The following RAB3C variants were observed in gnomAD, a reference collection of about 807,000 sequenced individuals.
RAB3C encodes ras-related protein Rab-3C.
A neutral mutation model predicts 26.4 loss-of-function variants in RAB3C; 17 were observed. That is an observed-to-expected ratio of 0.64 (90% CI 0.44 to 0.97). RAB3C has a LOEUF of 0.97. Ranked by LOEUF, RAB3C falls within the 50% of genes least tolerant of loss-of-function variation. RAB3C has a pLI of 0.00. For missense variants in RAB3C, 242 were observed against 281.9 expected (o/e 0.86, Z 1.01); for synonymous variants, 91 against 95.9 (o/e 0.95, Z 0.30).
At chr5:58,725,957 A>C in intron 2 of RAB3C, 45 bp from the exon 3 acceptor site, 1 of 1,124,382 alleles carries the variant, frequency 8.9e-7, no homozygotes, top group Middle Eastern at 2.1e-4. Flanking sequence ...CCAAAAATGT[A>C]TTGCCTTATT....
At chr5:58,788,476 T>G (rs1265581660) in intron 3 of RAB3C, 1 of 152,238 alleles carries the variant, frequency 6.6e-6, no homozygotes, top group Non-Finnish European at 1.5e-5. Flanking sequence ...GAAAGTCAGT[T>G]TTAATTTTGC....
At chr5:58,598,777 T>A (rs1360048082) in intron 1 of RAB3C, among the ~76,000 whole-genome samples, 1 of 152,158 alleles carries the variant, frequency 6.6e-6, no homozygotes, top group Admixed American at 6.6e-5. Context: ...ATTTGAGTCA[T>A]CTATTTCAGA....
At chr5:58,800,510 T>G (rs1245760279) in intron 3 of RAB3C, among the ~76,000 whole-genome samples, 1 of 152,150 alleles carries the variant, frequency 6.6e-6, no homozygotes, top group Non-Finnish European at 1.5e-5. Context: ...AAGATGGGTG[T>G]TTTTTAATGT....
chr5:58,667,154 G>A (rs1023016753), intron 2 of RAB3C, among the ~76,000 whole-genome samples: 2 of 152,092 alleles, frequency 1.3e-5, no homozygotes, highest in Non-Finnish European at 2.9e-5. Flanking sequence ...TTGGTTTTAC[G>A]CACTGATGAC....
At position 58,839,385 on chromosome 5, in the gene RAB3C, T is replaced by A. The variant is rs940497353; in HGVS notation, c.497-11779T>A. ...TATTTATTTATTTATTTATTTATTT[T>A]TTGAGACAGAGTTTTGCTGTTGTTG... On this transcript the variant is annotated intron_variant, in intron 4 of 4. Coordinates refer to ENST00000282878, the MANE Select transcript of RAB3C (RefSeq NM_138453.4). Among the ~76,000 whole-genome samples the A allele has an allele frequency of 3.1e-4, 35 of 114,436 alleles. No individual in the cohort carries two copies. In the East Asian group the frequency reaches 3.8e-3, roughly 12 times the overall value. The allele number at this position is 114,436 out of a possible 152,430, so 75.1% of individuals were successfully genotyped here.
chr5:58,596,805 A>C (rs1466722723), intron 1 of RAB3C, among the ~76,000 whole-genome samples: 1 of 101,084 alleles, frequency 9.9e-6, no homozygotes, highest in Non-Finnish European at 1.7e-5. Flanking sequence ...TAAATTTATA[A>C]TATATAATAC....
intron 3 of RAB3C, among the ~76,000 whole-genome samples, chr5:58,754,408 G>T (rs1741602855): frequency 6.6e-6 from 1 of 152,150 alleles, no homozygotes; most frequent in Non-Finnish European, 1.5e-5. Context: ...AACCCAGGTA[G>T]CTTGCATATA....
At chr5:58,686,473 C>G (rs1373536350) in intron 2 of RAB3C, among the ~76,000 whole-genome samples, 3 of 152,018 alleles carry the variant, frequency 2.0e-5, no homozygotes, top group Non-Finnish European at 4.4e-5. Flanking sequence ...TTCCAGATTT[C>G]CTTCTCTAGG....
chr5:58,817,109 T>A (rs1348609115), intron 3 of RAB3C: 1 of 152,140 alleles, frequency 6.6e-6, no homozygotes. Context: ...ATTGGCCAGA[T>A]CCAAAGTTAG....
Position 58,742,938 on chromosome 5 carries a change from G to A in RAB3C, c.371+16818G>A, listed in dbSNP as rs961196471. Reference sequence around the variant, plus strand: ...CCAACAAAGATAGGGATACGGGAGGGAATGAAAAAGGCAGAAAGAAAGGAG... The same window carrying A: ...CCAACAAAGATAGGGATACGGGAGGAAATGAAAAAGGCAGAAAGAAAGGAG... On this transcript the variant is annotated intron_variant, in intron 3 of 4. Transcript: ENST00000282878. 7.9e-5 allele frequency among the ~76,000 whole-genome samples: 12 copies of A among 151,984 alleles called. 1 individual carries two copies. Among genetic ancestry groups the A allele is most frequent in the Admixed American group, 6.6e-4 (10 of 15,244 alleles).
chr5:58,750,949 G>T (rs1741509194), intron 3 of RAB3C, among the ~76,000 whole-genome samples: 1 of 151,922 alleles, frequency 6.6e-6, no homozygotes, highest in Non-Finnish European at 1.5e-5. Flanking sequence ...CCACCTCCCG[G>T]GTTCAAGAGA....
intron 2 of RAB3C, among the ~76,000 whole-genome samples, chr5:58,659,485 A>G (rs1747852049): frequency 6.6e-6 from 1 of 152,200 alleles, no homozygotes; most frequent in African/African-American, 2.4e-5. Flanking sequence ...TTTTATTTTT[A>G]TATCACTCAT....
At chr5:58,596,918 C>A (rs1746293569) in intron 1 of RAB3C, among the ~76,000 whole-genome samples, 1 of 89,836 alleles carries the variant, frequency 1.1e-5, no homozygotes, top group African/African-American at 4.7e-5. Flanking sequence ...ATATATAATA[C>A]ATAATATATT....
upstream of RAB3C, chr5:58,582,312 T>A (rs1745915839): frequency 1.3e-6 from 1 of 770,910 alleles, no homozygotes; most frequent in Admixed American, 6.2e-5. Flanking sequence ...GTGTTGTGCC[T>A]TTTCATTTTA....
intron 2 of RAB3C, among the ~76,000 whole-genome samples, chr5:58,706,602 T>A (rs745550793): frequency 4.0e-4 from 61 of 152,322 alleles, no homozygotes; most frequent in Middle Eastern, 3.4e-3. Context: ...TTATTTGTAT[T>A]GATTAATAAT....
intron 2 of RAB3C, among the ~76,000 whole-genome samples, chr5:58,705,820 G>C (rs1748931915): frequency 6.6e-6 from 1 of 152,036 alleles, no homozygotes. Flanking sequence ...ACTTGTTTCT[G>C]GAAATGAAGC....
chr5:58,767,720 G>T (rs182230242), intron 3 of RAB3C, among the ~76,000 whole-genome samples: 1 of 152,034 alleles, frequency 6.6e-6, no homozygotes, highest in Non-Finnish European at 1.5e-5. Flanking sequence ...GCTAGACAAC[G>T]GTCATATTCA....
At chr5:58,759,044 G>A (rs567450467) in intron 3 of RAB3C, among the ~76,000 whole-genome samples, 22 of 152,142 alleles carry the variant, frequency 1.4e-4, no homozygotes, top group Admixed American at 6.5e-4. Flanking sequence ...AAATCAAACC[G>A]CTTTATACTA....
rs553527838 is a variant in RAB3C, at chr5:58,780,916, A to G, written c.372-44122A>G. ...CCATTGTAAAGAACTTGTGACTACT[A>G]TGATATATTTAGTATTTTATTATTA... is the stretch of plus-strand genomic sequence containing the variant. On this transcript the variant is annotated intron_variant, in intron 3 of 4. Coordinates refer to ENST00000282878, the MANE Select transcript of RAB3C (RefSeq NM_138453.4). Among the ~76,000 whole-genome samples the G allele has an allele frequency of 2.0e-5, 3 of 152,164 alleles. No individual in the cohort carries two copies. In the South Asian group the frequency reaches 6.2e-4, roughly 32 times the overall value.
Sources: gnomAD v4.1 joint callset for allele counts (sites outside exome capture counted in the v4.1 genomes callset) on GRCh38, gnomAD v4.1.1 for gene constraint, MANE v1.5 for transcripts, NCBI Gene and HGNC (gene_info 2026-07-23, HGNC 2026-07-21) for gene names.